The following TENT4A variants were observed in gnomAD, a reference collection of about 807,000 sequenced individuals.
The protein encoded by TENT4A is terminal nucleotidyltransferase 4A.
TENT4A carries 7 observed loss-of-function variants against 72.8 expected under a neutral mutation model. That is an observed-to-expected ratio of 0.10 (90% CI 0.05 to 0.18). The LOEUF (loss-of-function observed/expected upper bound fraction) is 0.18, where lower values mean the gene tolerates loss of function less well. TENT4A is among the 10% of genes least tolerant of loss of function. The pLI, the probability that TENT4A is intolerant of heterozygous loss-of-function variation, is 1.00. For synonymous variants in TENT4A, 456 were observed against 434.3 expected (o/e 1.05, Z -0.62); for missense variants, 831 against 1,017.7 (o/e 0.82, Z 2.50).
rs1196652683 is a variant in TENT4A, at chr5:6,750,415, A to G, written c.1772A>G (p.Gln591Arg). Residue 591 changes from glutamine to arginine, a missense_variant, in exon 10 of 13, where the codon CAG becomes CGG. Transcript: ENST00000230859. ...CGAGAGCCCGAGTCTCCCTATGGCC[A>G]GCGCTTGACTTTGTCGCTGTCCAGC... The part of the protein sequence containing the change: ...QNREPESPYG[Q>R]RLTLSLSSPQ... 3 of 1,613,494 alleles carry G rather than the reference A, an allele frequency of 1.9e-6. No homozygotes were observed. In the Admixed American group the frequency reaches 5.0e-5, roughly 27 times the overall value.
chr5:6,735,453 G>C (rs1265872996), intron 1 of TENT4A, among the ~76,000 whole-genome samples: 1 of 152,210 alleles, frequency 6.6e-6, no homozygotes, highest in Non-Finnish European at 1.5e-5. Flanking sequence ...CTTCCTGATG[G>C]AGAGAGGCTG....
intron 11 of TENT4A, among the ~76,000 whole-genome samples, chr5:6,752,457 C>A (rs1428988093): frequency 6.6e-6 from 1 of 152,228 alleles, no homozygotes; most frequent in Non-Finnish European, 1.5e-5. Flanking sequence ...CAGCCTGGGA[C>A]CTGGACAGCA....
chr5:6,748,403 C>T, intron 7 of TENT4A, 61 bp from the exon 8 acceptor site: 1 of 1,596,572 alleles, frequency 6.3e-7, no homozygotes, highest in South Asian at 1.1e-5. Context: ...ATGAGAAGAT[C>T]CAAAACATGT....
At chr5:6,720,438 A>C (rs1740589127) in intron 1 of TENT4A, among the ~76,000 whole-genome samples, 1 of 152,112 alleles carries the variant, frequency 6.6e-6, no homozygotes, top group Admixed American at 6.6e-5. Flanking sequence ...GCAGATTGCC[A>C]GTTCCGTCCT....
rs111318978 is a variant in TENT4A at position 6,723,951 on chromosome 5, G to C, written c.716+9252G>C. On this transcript the variant is annotated intron_variant, in intron 1 of 12. Transcript: ENST00000230859. Reference sequence around the variant, plus strand: ...GCATTCTATGAAGAGTGGAGCATCTGATGAGCTGTTTACTCGCTGTTTCAT... The same window carrying C: ...GCATTCTATGAAGAGTGGAGCATCTCATGAGCTGTTTACTCGCTGTTTCAT... Among the ~76,000 whole-genome samples, 265 of 152,352 alleles carry C rather than the reference G, an allele frequency of 1.7e-3. 1 individual carries two copies. Among genetic ancestry groups the C allele is most frequent in the African/African-American group, 5.7e-3 (237 of 41,578 alleles).
In TENT4A at chr5:6,714,097, G is replaced by C; in HGVS notation, c.114G>C (p.Ala38=). ...QGVGRGGSGF[A]SYFCLNSPAL... is the part of the protein sequence containing the mutation. ...TGGGCCGCGGCGGCTCGGGCTTCGC[G>C]TCCTATTTCTGCCTCAACTCGCCGG... Residue 38 remains alanine (A), a synonymous_variant, in exon 1 of 13, where the codon GCG becomes GCC. Transcript: ENST00000230859. 2 of 983,770 alleles carry C rather than the reference G, an allele frequency of 2.0e-6. No individual in the cohort carries two copies. The highest frequency in any genetic ancestry group is 2.4e-6 in the Non-Finnish European group (2 of 830,820). The allele number at this position is 983,770 out of a possible 1,614,324, so 60.9% of individuals were successfully genotyped here. A position where few individuals can be genotyped will look rare whatever the true frequency, so the allele number is the denominator to read the frequency against.
chr5:6,721,763 T>G (rs189205402), intron 1 of TENT4A, among the ~76,000 whole-genome samples: 3 of 152,236 alleles, frequency 2.0e-5, no homozygotes, highest in Admixed American at 2.0e-4. Context: ...ATGTCTTTGA[T>G]TATCAACAAC....
intron 6 of TENT4A, among the ~76,000 whole-genome samples, chr5:6,745,617 T>C (rs1003061725): frequency 3.9e-5 from 6 of 152,138 alleles, no homozygotes; most frequent in Non-Finnish European, 8.8e-5. Flanking sequence ...TGGACAGTGG[T>C]TTACTTCCGA....
intron 1 of TENT4A, among the ~76,000 whole-genome samples, chr5:6,733,060 C>T (rs1741289196): frequency 6.6e-6 from 1 of 152,212 alleles, no homozygotes; most frequent in Admixed American, 6.5e-5. Context: ...TTTGGCCCCA[C>T]CTCAGTTTGT....
Position 6,714,600 on chromosome 5 carries a change from G to T in TENT4A, c.617G>T (p.Ser206Ile). ...TYGLNYLLSG[S>I]RAAALSGGGG... ...GGCCTCAACTACCTGCTGTCCGGCA[G>T]CCGCGCGGCCGCTCTCAGCGGAGGG... Residue 206 changes from serine (S) to isoleucine (I), a missense_variant, in exon 1 of 13, where the codon AGC becomes ATC. Physicochemically the swap from Ser to Ile is moderately radical, Grantham distance 142. Around this residue, in one of 3 missense-constraint regions of TENT4A, gnomAD observed 302 missense variants for 293.8 expected, o/e 1.03. Transcript: ENST00000230859. The T allele has an allele frequency of 8.3e-7, 1 of 1,198,332 alleles. No homozygotes were observed. The highest frequency in any genetic ancestry group is 1.0e-6 in the Non-Finnish European group (1 of 966,222). The allele number at this position is 1,198,332 out of a possible 1,614,324, so 74.2% of individuals were successfully genotyped here.
chr5:6,730,317 T>C (rs1741146304), intron 1 of TENT4A, among the ~76,000 whole-genome samples: 1 of 152,160 alleles, frequency 6.6e-6, no homozygotes, highest in South Asian at 2.1e-4. Flanking sequence ...GAAAAAAGGC[T>C]TACATTTGCT....
chr5:6,733,040 C>T (rs757049252), intron 1 of TENT4A, among the ~76,000 whole-genome samples: 2 of 152,334 alleles, frequency 1.3e-5, no homozygotes, highest in Non-Finnish European at 2.9e-5. Flanking sequence ...GTGTTCCTGG[C>T]GTTGTGTCCT....
chr5:6,737,615 C>A lies in TENT4A; in HGVS notation c.822C>A (p.Asp274Glu). The change falls in exon 2 of 13, where the codon GAC (aspartate) becomes GAA (glutamate). Residue 274 changes from aspartate to glutamate, a missense_variant. Transcript: ENST00000230859. The stretch of plus-strand genomic sequence containing the variant: ...AACGGATCGAAACTGTGGTGAAAGA[C>A]CTTTGGCCGACGGCTGATGTGAGTA... The part of the protein sequence containing the change: ...VVKRIETVVK[D>E]LWPTADVQIF... The A allele has an allele frequency of 6.2e-7, 1 of 1,614,024 alleles. No homozygotes were observed. Among genetic ancestry groups the A allele is most frequent in the Non-Finnish European group, 8.5e-7 (1 of 1,179,998 alleles).
chr5:6,729,533 G>A (rs192929153), intron 1 of TENT4A, among the ~76,000 whole-genome samples: 126 of 152,382 alleles, frequency 8.3e-4, no homozygotes, highest in South Asian at 3.7e-3. Context: ...GCGCAGTCAC[G>A]CAGTTTCACA....
At chr5:6,720,599 T>C (rs369769) in intron 1 of TENT4A, among the ~76,000 whole-genome samples, 89,237 of 151,114 alleles carry the variant, frequency 0.59, 27,087 homozygotes, top group Middle Eastern at 0.67. Context: ...TCCTTTGAAC[T>C]GGAGAGTTGG....
chr5:6,721,093 A>G (rs1740625482), intron 1 of TENT4A, among the ~76,000 whole-genome samples: 1 of 152,094 alleles, frequency 6.6e-6, no homozygotes, highest in East Asian at 1.9e-4. Flanking sequence ...TGCTATTACT[A>G]AGTTGATCCC....
At chr5:6,754,663 C>T (rs28381433) in intron 12 of TENT4A, 88 bp from the exon 13 acceptor site, 2 of 1,026,680 alleles carry the variant, frequency 1.9e-6, no homozygotes, top group South Asian at 2.0e-5. Flanking sequence ...TGTAACATCA[C>T]GTCGGTGCTT....
At chr5:6,720,675 A>AAAATAAATAAATAAATAAAT (rs141500932) in intron 1 of TENT4A, among the ~76,000 whole-genome samples, 7 of 140,124 alleles carry the variant, frequency 5.0e-5, no homozygotes, top group Non-Finnish European at 1.5e-5. Context: ...ACTCTGTCTC[A>AAAATAAATAAATAAATAAAT]AAATAAATAA....
intron 1 of TENT4A, among the ~76,000 whole-genome samples, chr5:6,731,063 A>G (rs1741186983): frequency 6.6e-6 from 1 of 152,238 alleles, no homozygotes; most frequent in Admixed American, 6.5e-5. Flanking sequence ...GTTTTGGTGT[A>G]ATCGTATCAA....
Sources: allele counts gnomAD v4.1 joint callset (sites outside exome capture counted in the v4.1 genomes callset), GRCh38; gene constraint gnomAD v4.1.1; regional missense constraint gnomAD v4.1.1; transcripts MANE v1.5; gene names NCBI Gene and HGNC (gene_info 2026-07-23, HGNC 2026-07-21).